TCF4: variants seen among roughly 807,000 people sequenced by gnomAD.
TCF4 encodes the protein SL3-3 enhancer factor 2.
In TCF4, 3 loss-of-function variants were observed where a neutral mutation model predicts 82.1. The ratio of observed to expected loss-of-function variants is 0.04; its 90% CI spans 0.02 to 0.09. The LOEUF is 0.09. Ranked by LOEUF, TCF4 falls within the 10% of genes least tolerant of loss-of-function variation. The probability of loss-of-function intolerance (pLI) is 1.00; values close to 1 mark genes in which losing one functional copy is unlikely to be tolerated. For synonymous variants in TCF4, 276 were observed against 309.6 expected (o/e 0.89, Z 1.14); for missense variants, 518 against 852.7 (o/e 0.61, Z 4.89).
At chr18:55,407,223 G>A (rs2094136578) in intron 5 of TCF4, among the ~76,000 whole-genome samples, 1 of 152,054 alleles carries the variant, frequency 6.6e-6, no homozygotes, top group African/African-American at 2.4e-5. Flanking sequence ...ATGACCTAAT[G>A]GAGTACACGA....
At chr18:55,250,202 G>A (rs1025566191) in intron 15 of TCF4, among the ~76,000 whole-genome samples, 4 of 152,134 alleles carry the variant, frequency 2.6e-5, no homozygotes, top group Non-Finnish European at 4.4e-5. Flanking sequence ...CAAGGACCCT[G>A]GTAGGGAGAG....
At chr18:55,267,101 G>A (rs534968624) in intron 11 of TCF4, 9 of 152,292 alleles carry the variant, frequency 5.9e-5, no homozygotes, top group African/African-American at 1.9e-4. Context: ...CGTGAAAAAT[G>A]TGATGTCCAT....
intron 13 of TCF4, among the ~76,000 whole-genome samples, chr18:55,259,011 A>G (rs2057480469): frequency 6.6e-6 from 1 of 152,178 alleles, no homozygotes. Context: ...GAAGAGGTTG[A>G]CATTAAATCC....
At chr18:55,442,839 G>A (rs577848932) in intron 5 of TCF4, among the ~76,000 whole-genome samples, 226 of 152,340 alleles carry the variant, frequency 1.5e-3, no homozygotes, top group Admixed American at 2.5e-3. Flanking sequence ...CTTTATCACA[G>A]TACAGAATGA....
At chr18:55,318,257 T>C (rs1441809663) in intron 8 of TCF4, among the ~76,000 whole-genome samples, 2 of 152,104 alleles carry the variant, frequency 1.3e-5, no homozygotes, top group Non-Finnish European at 2.9e-5. Flanking sequence ...CAAGAAGCCA[T>C]AAAGATCAAA....
At chr18:55,270,090 A>C (rs2060023818) in intron 10 of TCF4, 127 bp from the exon 11 acceptor site, 1 of 1,191,296 alleles carries the variant, frequency 8.4e-7, no homozygotes, top group Non-Finnish European at 1.2e-6. Flanking sequence ...CAAAATAGCC[A>C]AGAATATATC....
chr18:55,492,398 A>T (rs2096586101), intron 3 of TCF4, among the ~76,000 whole-genome samples: 1 of 152,200 alleles, frequency 6.6e-6, no homozygotes, highest in South Asian at 2.1e-4. Context: ...ATTTTCCTGG[A>T]TGTACAGTTA....
At position 55,236,966 on chromosome 18, in the gene TCF4, GACATAACT is replaced by G. The variant is rs1425339636; in HGVS notation, c.1351-2291_1351-2284del. 2.0e-5 allele frequency among the ~76,000 whole-genome samples: 3 copies of G among 152,250 alleles called. No homozygotes were observed. In the East Asian group the frequency reaches 5.8e-4, roughly 29 times the overall value. ...TCAAGATTTCTTTGCAAGCATCTGTGACATAACTTAAGAGTAATGTTTTGCTTTTTACT... is the reference window on the plus strand; with the variant it reads ...TCAAGATTTCTTTGCAAGCATCTGTGTAAGAGTAATGTTTTGCTTTTTACT... On this transcript the variant is annotated intron_variant, in intron 15 of 19. Transcript: ENST00000354452.
intron 11 of TCF4, chr18:55,269,501 A>T (rs879651618): frequency 1.1e-5 from 4 of 369,322 alleles, no homozygotes; most frequent in African/African-American, 2.1e-5. Flanking sequence ...TCTGCTTTGT[A>T]GCTCACTAGT....
At chr18:55,620,069 ATGTT>A (rs1306122689) in intron 2 of TCF4, among the ~76,000 whole-genome samples, 1 of 152,104 alleles carries the variant, frequency 6.6e-6, no homozygotes, top group Non-Finnish European at 1.5e-5. Flanking sequence ...CATTTTATAA[ATGTT>A]TGGTAGTTCT....
chr18:55,315,400 G>T (rs1227538997), intron 8 of TCF4, among the ~76,000 whole-genome samples: 1 of 152,148 alleles, frequency 6.6e-6, no homozygotes, highest in Non-Finnish European at 1.5e-5. Flanking sequence ...AAGCAACACA[G>T]CATTTAGAGA....
At chr18:55,572,082 T>C (rs1163750903) in intron 3 of TCF4, among the ~76,000 whole-genome samples, 1 of 152,132 alleles carries the variant, frequency 6.6e-6, no homozygotes, top group Non-Finnish European at 1.5e-5. Flanking sequence ...GCAGTGGGCA[T>C]GTGCTTTCAG....
At chr18:55,437,821 C>T (rs948576428) in intron 5 of TCF4, among the ~76,000 whole-genome samples, 1 of 152,130 alleles carries the variant, frequency 6.6e-6, no homozygotes, top group African/African-American at 2.4e-5. Flanking sequence ...GAGTCCTGGG[C>T]AGACATCTCA....
At chr18:55,579,832 T>C (rs983940907) in intron 3 of TCF4, among the ~76,000 whole-genome samples, 3 of 152,018 alleles carry the variant, frequency 2.0e-5, no homozygotes, top group Non-Finnish European at 2.9e-5. Flanking sequence ...CAAAATTACT[T>C]TGTTTATCAT....
chr18:55,374,956 A>T (rs2145693563), intron 6 of TCF4, among the ~76,000 whole-genome samples: 1 of 151,658 alleles, frequency 6.6e-6, no homozygotes, highest in East Asian at 1.9e-4. Flanking sequence ...ATTTCAGGAC[A>T]TAGAAAGAAG....
chr18:55,364,966 T>G (rs2145333678), intron 6 of TCF4, among the ~76,000 whole-genome samples: 1 of 151,484 alleles, frequency 6.6e-6, no homozygotes, highest in Admixed American at 6.6e-5. Flanking sequence ...GAGACCATCC[T>G]AATACGGTGA....
chr18:55,289,611 G>T (rs1318731884), intron 8 of TCF4, among the ~76,000 whole-genome samples: 1 of 152,082 alleles, frequency 6.6e-6, no homozygotes. Flanking sequence ...GACGACTACT[G>T]CTTCATTAGG....
intron 2 of TCF4, among the ~76,000 whole-genome samples, chr18:55,613,350 T>C (rs971857253): frequency 6.6e-6 from 1 of 152,208 alleles, no homozygotes; most frequent in East Asian, 1.9e-4. Flanking sequence ...TTTTGGAATT[T>C]TATACATATG....
chr18:55,626,215 T>C (rs1298055401), intron 2 of TCF4, among the ~76,000 whole-genome samples: 2 of 152,200 alleles, frequency 1.3e-5, no homozygotes, highest in African/African-American at 4.8e-5. Context: ...AATCAAAATG[T>C]ATTTTATCAC....
Sources: allele counts gnomAD v4.1 joint callset (sites outside exome capture counted in the v4.1 genomes callset), GRCh38; gene constraint gnomAD v4.1.1; transcripts MANE v1.5; gene names NCBI Gene and HGNC (gene_info 2026-07-23, HGNC 2026-07-21).